The following FAM174B variants were observed in gnomAD, a reference collection of about 807,000 sequenced individuals.
FAM174B encodes the protein family with sequence similarity 174 member B.
In FAM174B, 12 loss-of-function variants were observed where a neutral mutation model predicts 10.9. That is an observed-to-expected ratio of 1.10 (90% CI 0.71 to 1.79). The LOEUF (loss-of-function observed/expected upper bound fraction) is 1.79. Ranked by LOEUF, FAM174B falls within the 40% of genes most tolerant of loss-of-function variation. FAM174B has a pLI of 0.00. For missense variants in FAM174B, 266 were observed against 233.3 expected (o/e 1.14, Z -0.91); for synonymous variants, 132 against 115.8 (o/e 1.14, Z -0.90).
intron 1 of FAM174B, among the ~76,000 whole-genome samples, chr15:92,649,194 T>A (rs1379649327): frequency 6.6e-6 from 1 of 152,214 alleles, no homozygotes; most frequent in East Asian, 1.9e-4. Context: ...GGTAATGCCA[T>A]ATAAGTCAGG....
intron 2 of FAM174B, 161 bp from the exon 3 acceptor site, chr15:92,619,620 A>C: frequency 1.3e-6 from 1 of 746,168 alleles, no homozygotes; most frequent in Non-Finnish European, 2.2e-6. Flanking sequence ...GGCGCAATCC[A>C]CTCTTCCAGC....
intron 1 of FAM174B, among the ~76,000 whole-genome samples, chr15:92,641,879 C>G (rs899018546): frequency 6.6e-6 from 1 of 152,130 alleles, no homozygotes; most frequent in South Asian, 2.1e-4. Context: ...AAAAGACACC[C>G]CCATAGAATG....
At chr15:92,630,876 ATTATATATTACG>A (rs1271647935) in intron 1 of FAM174B, among the ~76,000 whole-genome samples, 17 of 52,722 alleles carry the variant, frequency 3.2e-4, no homozygotes, top group South Asian at 2.0e-3. Flanking sequence ...CATATTATAT[ATTATATATTACG>A]TATTACATAT....
At chr15:92,641,170 G>T (rs906727879) in intron 1 of FAM174B, among the ~76,000 whole-genome samples, 3 of 152,086 alleles carry the variant, frequency 2.0e-5, no homozygotes, top group Non-Finnish European at 4.4e-5. Context: ...TCTTCACAGA[G>T]ATTCAATTTT....
chr15:92,629,901 G>A (rs752966618), intron 2 of FAM174B, among the ~76,000 whole-genome samples: 6 of 152,122 alleles, frequency 3.9e-5, no homozygotes, highest in Non-Finnish European at 8.8e-5. Flanking sequence ...AAGCTCTCTT[G>A]CCTGCCATCA....
intron 1 of FAM174B, among the ~76,000 whole-genome samples, chr15:92,638,644 G>A (rs931070945): frequency 6.6e-5 from 10 of 152,190 alleles, no homozygotes; most frequent in South Asian, 2.1e-4. Context: ...CAAGCCTCTC[G>A]TCATGAACCC....
In FAM174B at chr15:92,630,301, G is replaced by C. The variant is rs774589399; in HGVS notation, c.389C>G (p.Thr130Ser). ...LKKTRKYDIITTPAERVEMAP... is the reference protein window; with the variant it reads ...LKKTRKYDIISTPAERVEMAP... The stretch of plus-strand genomic sequence containing the variant: ...CATTTCCACTCGCTCTGCTGGAGTG[G>C]TGATGATATCATACTTGCGTGTCTT... Residue 130 changes from threonine (T) to serine (S), a missense_variant, in exon 2 of 3, where the codon ACC (threonine) becomes AGC (serine). Thr to Ser is a moderately conservative substitution (Grantham distance 58). Transcript: ENST00000327355. 18 of 1,613,580 alleles carry C rather than the reference G, an allele frequency of 1.1e-5. No homozygotes were observed. Among genetic ancestry groups the C allele is most frequent in the Admixed American group, 1.7e-5 (1 of 59,968 alleles).
chr15:92,631,244 ATATT>A lies in FAM174B; in HGVS notation c.345-903_345-900del, dbSNP rs2050802505. ...TATTATATATAATATATTATATATT[ATATT>A]ATATATAATATATTATATATTATAT... On this transcript the variant is annotated intron_variant, in intron 1 of 2. Coordinates refer to ENST00000327355, the MANE Select transcript of FAM174B (RefSeq NM_207446.3). Among the ~76,000 whole-genome samples the A allele has an allele frequency of 1.2e-4, 2 of 17,026 alleles. 1 individual carries two copies. The highest frequency in any genetic ancestry group is 5.1e-4 in the African/African-American group (2 of 3,948). 11.2% of individuals were successfully genotyped at this position (17,026 alleles called of 152,430 possible).
intron 1 of FAM174B, among the ~76,000 whole-genome samples, chr15:92,641,062 TCA>T (rs35507479): frequency 4.8e-4 from 71 of 149,378 alleles, no homozygotes; most frequent in Admixed American, 8.0e-4. Context: ...CACAGGCAGT[TCA>T]CACACACACA....
chr15:92,645,482 C>G (rs564983086), intron 1 of FAM174B: 1 of 152,506 alleles, frequency 6.6e-6, no homozygotes, highest in Admixed American at 6.5e-5. Flanking sequence ...CTTTCCCTCT[C>G]TCAGTCCCTG....
At chr15:92,654,703 AACCCCTGGTGCAAAGC>A (rs1372246303) in intron 1 of FAM174B, among the ~76,000 whole-genome samples, 2 of 152,062 alleles carry the variant, frequency 1.3e-5, no homozygotes, top group Non-Finnish European at 2.9e-5. Context: ...GCTCAGCTCC[AACCCCTGGTGCAAAGC>A]ACCCCTCCAG....
intron 2 of FAM174B, among the ~76,000 whole-genome samples, chr15:92,622,315 G>C (rs147930679): frequency 6.6e-6 from 1 of 152,214 alleles, no homozygotes; most frequent in Non-Finnish European, 1.5e-5. Context: ...CCTCCACGGG[G>C]AGAAGTCCAC....
intron 1 of FAM174B, among the ~76,000 whole-genome samples, chr15:92,631,750 C>T (rs1404641314): frequency 1.3e-5 from 2 of 151,522 alleles, no homozygotes; most frequent in African/African-American, 4.9e-5. Flanking sequence ...CCCACCTCGC[C>T]CTCCCAAAGT....
chr15:92,637,229 G>A (rs886561116), intron 1 of FAM174B, among the ~76,000 whole-genome samples: 2 of 152,256 alleles, frequency 1.3e-5, no homozygotes, highest in Non-Finnish European at 2.9e-5. Context: ...TGCTGTGAAG[G>A]CTGGAACAGG....
intron 1 of FAM174B, among the ~76,000 whole-genome samples, chr15:92,638,696 G>A (rs896083226): frequency 7.9e-5 from 12 of 152,104 alleles, no homozygotes; most frequent in Non-Finnish European, 1.3e-4. Context: ...GGTGTGGTCC[G>A]GGTTCTGATG....
At chr15:92,630,815 TATATTAC>T (rs2050790353) in intron 1 of FAM174B, among the ~76,000 whole-genome samples, 1 of 41,238 alleles carries the variant, frequency 2.4e-5, no homozygotes, top group African/African-American at 5.8e-5. Context: ...ATATATTTTA[TATATTAC>T]ATATTATATA....
chr15:92,642,766 C>T (rs149509305), intron 1 of FAM174B, among the ~76,000 whole-genome samples: 49 of 152,262 alleles, frequency 3.2e-4, no homozygotes, highest in Non-Finnish European at 5.4e-4. Context: ...CTTATAGCAG[C>T]CCCTGAGAAC....
intron 1 of FAM174B, among the ~76,000 whole-genome samples, chr15:92,646,736 T>G (rs2050930665): frequency 6.6e-6 from 1 of 152,222 alleles, no homozygotes. Context: ...CCACACCCAC[T>G]TATCTTAACC....
chr15:92,652,125 T>C (rs2050970405), intron 1 of FAM174B, among the ~76,000 whole-genome samples: 1 of 152,230 alleles, frequency 6.6e-6, no homozygotes, highest in Non-Finnish European at 1.5e-5. Flanking sequence ...GCTAAAAATA[T>C]CTTTATTAAA....
Sources: allele counts gnomAD v4.1 joint callset (sites outside exome capture counted in the v4.1 genomes callset), GRCh38; gene constraint gnomAD v4.1.1; transcripts MANE v1.5; gene names NCBI Gene and HGNC (gene_info 2026-07-23, HGNC 2026-07-21).